VNN1: variants seen among roughly 807,000 people sequenced by gnomAD.
VNN1 encodes the protein pantetheinase.
VNN1 carries 29 observed loss-of-function variants against 41.9 expected under a neutral mutation model. The ratio of observed to expected loss-of-function variants is 0.69; its 90% confidence interval spans 0.52 to 0.94. VNN1 has a LOEUF of 0.94. Among genes scored for constraint, VNN1 ranks in the 40% least tolerant of loss-of-function variants. The pLI, the probability that VNN1 is intolerant of heterozygous loss-of-function variation, is 0.00. For synonymous variants in VNN1, 233 were observed against 224.4 expected (o/e 1.04, Z -0.34); for missense variants, 637 against 621.1 (o/e 1.03, Z -0.27).
intron 2 of VNN1, among the ~76,000 whole-genome samples, chr6:132,706,623 A>G (rs1463088836): frequency 6.6e-6 from 1 of 152,220 alleles, no homozygotes; most frequent in Non-Finnish European, 1.5e-5. Context: ...AATACCCCAC[A>G]GGCACAGGCA....
At chr6:132,693,902 C>G in intron 3 of VNN1, 88 bp downstream of exon 3, 1 of 1,461,436 alleles carries the variant, frequency 6.8e-7, no homozygotes, top group South Asian at 1.2e-5. Context: ...CTAAAGTGTG[C>G]TTATCATTAT....
intron 1 of VNN1, among the ~76,000 whole-genome samples, chr6:132,712,392 C>T (rs45452995): frequency 0.012 from 1,788 of 152,178 alleles, 28 homozygotes; most frequent in African/African-American, 0.04. Flanking sequence ...TCAGGTGATC[C>T]GCCTGCTTCA....
intron 2 of VNN1, among the ~76,000 whole-genome samples, chr6:132,696,524 A>T (rs1406535254): frequency 2.0e-5 from 3 of 152,224 alleles, no homozygotes; most frequent in African/African-American, 7.2e-5. Flanking sequence ...ATCAAATTGT[A>T]GAGAGCCAAA....
intron 1 of VNN1, among the ~76,000 whole-genome samples, chr6:132,713,289 T>G (rs1241334511): frequency 6.6e-6 from 1 of 152,262 alleles, no homozygotes; most frequent in Non-Finnish European, 1.5e-5. Context: ...ATGATTAACT[T>G]CAAACTGAAA....
chr6:132,683,255 A>G lies in VNN1; in HGVS notation c.1427T>C (p.Phe476Ser), dbSNP rs1338556248. Residue 476 changes from phenylalanine (F) to serine (S), a missense_variant, in exon 7 of 7, where the codon TTT becomes TCT. By Grantham distance (155) the Phe-to-Ser change is radical. Coordinates refer to ENST00000367928, the MANE Select transcript of VNN1 (RefSeq NM_004666.3). ...CCAGTCCTTCTCATACAACCTCCCAAACAGAGTTACTGTTAAGACAGGTCC... is the reference window on the plus strand; with the variant it reads ...CCAGTCCTTCTCATACAACCTCCCAGACAGAGTTACTGTTAAGACAGGTCC... ...TSGPVLTVTLFGRLYEKDWAS... is the reference protein window; with the variant it reads ...TSGPVLTVTLSGRLYEKDWAS... 1 of 1,614,126 alleles carries G rather than the reference A, an allele frequency of 6.2e-7. No individual in the cohort carries two copies. The highest frequency in any genetic ancestry group is 8.5e-7 in the Non-Finnish European group (1 of 1,180,006).
intron 2 of VNN1, among the ~76,000 whole-genome samples, chr6:132,696,693 C>T (rs1778377303): frequency 6.6e-6 from 1 of 150,706 alleles, no homozygotes. Flanking sequence ...AATCTGACAA[C>T]CAAGAATTCT....
Position 132,711,899 on chromosome 6 carries a change from G to A in VNN1, c.211-60C>T. On this transcript the variant is annotated intron_variant, in intron 1 of 6. Transcript: ENST00000367928. The stretch of plus-strand genomic sequence containing the variant: ...TGCAAGAGGAGCTGAGGAGCTGAGT[G>A]GCTGAGTAACAACTATTTGGGCTTC... 2 of 1,580,270 alleles carry A rather than the reference G, an allele frequency of 1.3e-6. 1 individual carries two copies. Among genetic ancestry groups the A allele is most frequent in the South Asian group, 2.3e-5 (2 of 85,312 alleles).
rs1277113452 is a variant in VNN1, at chr6:132,681,092, C to T, written c.*2048G>A. ...ATGAAGCCCCACCTCCTGATATTCT[C>T]AACTCTGTTTGATTCTGTCCACGTT... On this transcript the variant is annotated 3_prime_UTR_variant, in exon 7 of 7. Transcript: ENST00000367928. Among the ~76,000 whole-genome samples the T allele has an allele frequency of 6.6e-6, 1 of 152,124 alleles. No homozygotes were observed. The highest frequency in any genetic ancestry group is 2.4e-5 in the African/African-American group (1 of 41,426).
At chr6:132,697,572 C>T (rs1328179858) in intron 2 of VNN1, among the ~76,000 whole-genome samples, 1 of 151,404 alleles carries the variant, frequency 6.6e-6, no homozygotes. Context: ...TATTGCACAA[C>T]TCTGAAATGA....
At position 132,694,143 on chromosome 6, in the gene VNN1, C is replaced by T. The variant is rs768069111; in HGVS notation, c.381G>A (p.Leu127=). 1.2e-6 allele frequency: 2 copies of T among 1,612,810 alleles called. No individual in the cohort carries two copies. Among genetic ancestry groups the T allele is most frequent in the South Asian group, 1.1e-5 (1 of 90,826 alleles). ...CAACATAGATAGAGTTGTTCTTGGC[C>T]AGGCAGCTGAGTCTTTCTTGTACTG... ...QTPVQERLSC[L]AKNNSIYVVA... is the part of the protein sequence containing the mutation. The change falls in exon 3 of 7, where the codon CTG becomes CTA. Residue 127 remains leucine (L), a synonymous_variant. Transcript: ENST00000367928.
At chr6:132,707,681 A>G (rs113645176) in intron 2 of VNN1, among the ~76,000 whole-genome samples, 1,582 of 152,340 alleles carry the variant, frequency 0.01, 32 homozygotes, top group African/African-American at 0.036. Context: ...CAAACATCAC[A>G]TGTTCTCACT....
At chr6:132,707,835 TAGAA>T (rs1413681547) in intron 2 of VNN1, among the ~76,000 whole-genome samples, 2 of 152,102 alleles carry the variant, frequency 1.3e-5, no homozygotes, top group Non-Finnish European at 2.9e-5. Context: ...AAAAAATAGT[TAGAA>T]TGAATGAATA....
chr6:132,711,809 C>T lies in VNN1; in HGVS notation c.241G>A (p.Ala81Thr), dbSNP rs372773162. ...CTGTTGAAGTTCCAGCCATAAATAG[C>T]ATCTTCTGGAGTCACAATAATATGC... Reference protein sequence around the residue: ...GAHIIVTPEDAIYGWNFNRDS... With the variant: ...GAHIIVTPEDTIYGWNFNRDS... The change falls in exon 2 of 7, where the codon GCT becomes ACT. Residue 81 changes from alanine (A) to threonine (T), a missense_variant. Physicochemically the swap from Ala to Thr is moderately conservative, Grantham distance 58. Transcript: ENST00000367928. 1.6e-4 allele frequency: 264 copies of T among 1,614,020 alleles called. No homozygotes were observed. The South Asian group carries it at 1.8e-3, about 11-fold the overall frequency.
At chr6:132,689,499 C>A (rs775128921) in intron 5 of VNN1, among the ~76,000 whole-genome samples, 1 of 152,130 alleles carries the variant, frequency 6.6e-6, no homozygotes, top group African/African-American at 2.4e-5. Flanking sequence ...TAATGGTCAA[C>A]GTATTGTGTT....
At chr6:132,684,063 T>C (rs1388195048) in intron 6 of VNN1, among the ~76,000 whole-genome samples, 2 of 152,058 alleles carry the variant, frequency 1.3e-5, no homozygotes, top group South Asian at 2.1e-4. Flanking sequence ...ACTACTCTCG[T>C]TGAATCTTCT....
At chr6:132,711,590 A>C in intron 2 of VNN1, 119 bp downstream of exon 2, 1 of 1,208,482 alleles carries the variant, frequency 8.3e-7, no homozygotes. Context: ...TAGATGAAAA[A>C]TAAGCTATAC....
At chr6:132,696,095 T>C (rs565473637) in intron 2 of VNN1, among the ~76,000 whole-genome samples, 1 of 151,974 alleles carries the variant, frequency 6.6e-6, no homozygotes, top group Non-Finnish European at 1.5e-5. Context: ...TAAAGGAAGA[T>C]GTGGAGAAAA....
At chr6:132,702,574 C>T (rs1024231416) in intron 2 of VNN1, among the ~76,000 whole-genome samples, 8 of 152,172 alleles carry the variant, frequency 5.3e-5, no homozygotes, top group African/African-American at 1.9e-4. Context: ...CCTCCTCCAA[C>T]TCCAGGCAGC....
rs1778151634 is a variant in VNN1, at chr6:132,683,110, C to T, written c.*30G>A. 2 of 1,556,520 alleles carry T rather than the reference C, an allele frequency of 1.3e-6. No individual in the cohort carries two copies. Among genetic ancestry groups the T allele is most frequent in the Admixed American group, 2.0e-5 (1 of 49,104 alleles). On this transcript the variant is annotated 3_prime_UTR_variant, in exon 7 of 7. Transcript: ENST00000367928. ...TCTCATCCATCATTTTTTAAATTAT[C>T]CCAAATAAAAAAGAGAAAAAGTCAA...
Sources: allele counts gnomAD v4.1 joint callset (sites outside exome capture counted in the v4.1 genomes callset), GRCh38; gene constraint gnomAD v4.1.1; transcripts MANE v1.5; gene names NCBI Gene and HGNC (gene_info 2026-07-23, HGNC 2026-07-21).